The following FXR1 variants were observed in gnomAD, a reference collection of about 807,000 sequenced individuals.
The protein encoded by FXR1 is FMR1 autosomal homolog 1.
In FXR1, 15 loss-of-function variants were observed where a neutral mutation model predicts 84.0. The ratio of observed to expected loss-of-function variants is 0.18; its 90% CI spans 0.12 to 0.27. The LOEUF is 0.27. Ranked by LOEUF, FXR1 falls within the 10% of genes least tolerant of loss-of-function variation. FXR1 has a pLI of 1.00. For missense variants in FXR1, 480 were observed against 774.4 expected (o/e 0.62, Z 4.51); for synonymous variants, 245 against 250.7 (o/e 0.98, Z 0.21).
In FXR1 at chr3:180,934,557, T is replaced by A. The variant is rs1232176165; in HGVS notation, c.105-581T>A. ...CTAGGTTCTAATTATAATGTATATA[T>A]CCACTGTAGGAAAGATAAATGGAAC... On this transcript the variant is annotated intron_variant, in intron 2 of 16. Transcript: ENST00000357559. Among the ~76,000 whole-genome samples, 5 of 152,234 alleles carry A rather than the reference T, an allele frequency of 3.3e-5. No individual in the cohort carries two copies. The East Asian group carries it at 9.6e-4, about 29-fold the overall frequency.
intron 1 of FXR1, among the ~76,000 whole-genome samples, chr3:180,929,981 A>G (rs1719690315): frequency 6.6e-6 from 1 of 152,228 alleles, no homozygotes; most frequent in African/African-American, 2.4e-5. Context: ...TAGATGCTCA[A>G]GGGCCGGGGC....
intron 3 of FXR1, among the ~76,000 whole-genome samples, chr3:180,938,709 C>A (rs113884628): frequency 6.6e-6 from 1 of 151,812 alleles, no homozygotes; most frequent in Non-Finnish European, 1.5e-5. Flanking sequence ...CCATCATACC[C>A]GGCTGATTTT....
chr3:180,937,503 G>T (rs2108449157), intron 3 of FXR1, among the ~76,000 whole-genome samples: 1 of 152,108 alleles, frequency 6.6e-6, no homozygotes, highest in South Asian at 2.1e-4. Flanking sequence ...TTTAGAAATT[G>T]AATCTAGAGT....
intron 1 of FXR1, among the ~76,000 whole-genome samples, chr3:180,923,975 T>C (rs1718874838): frequency 6.6e-6 from 1 of 152,006 alleles, no homozygotes; most frequent in Non-Finnish European, 1.5e-5. Flanking sequence ...CTGTTTTTTT[T>C]TGAGACAGAG....
intron 13 of FXR1, 136 bp from the exon 14 acceptor site, chr3:180,967,915 T>A (rs1254127191): frequency 1.6e-6 from 1 of 627,550 alleles, no homozygotes; most frequent in Non-Finnish European, 2.9e-6. Context: ...AGATTGATTT[T>A]AACTTTCATG....
At chr3:180,943,571 G>A (rs558638501) in intron 3 of FXR1, among the ~76,000 whole-genome samples, 3 of 152,044 alleles carry the variant, frequency 2.0e-5, no homozygotes, top group Non-Finnish European at 2.9e-5. Context: ...CAAATTTGTA[G>A]TGTTTTTGAT....
At chr3:180,925,994 G>A (rs974784745) in intron 1 of FXR1, among the ~76,000 whole-genome samples, 12 of 152,144 alleles carry the variant, frequency 7.9e-5, no homozygotes, top group African/African-American at 2.9e-4. Context: ...AAACAGCCCA[G>A]TGTCTCTAAT....
intron 1 of FXR1, among the ~76,000 whole-genome samples, chr3:180,917,873 G>A (rs62291429): frequency 0.027 from 4,072 of 150,078 alleles, 79 homozygotes; most frequent in Non-Finnish European, 0.043. Flanking sequence ...CTTGAACCGG[G>A]GAGGCAGAGG....
intron 1 of FXR1, among the ~76,000 whole-genome samples, chr3:180,932,115 C>T (rs1246747652): frequency 7.6e-6 from 1 of 131,276 alleles, no homozygotes; most frequent in Non-Finnish European, 1.6e-5. Flanking sequence ...TTGTAAGTTG[C>T]CTTTTCCCTT....
intron 1 of FXR1, among the ~76,000 whole-genome samples, chr3:180,927,390 T>C (rs1719352694): frequency 6.6e-6 from 1 of 152,126 alleles, no homozygotes; most frequent in Non-Finnish European, 1.5e-5. Flanking sequence ...TCTGCCCTCA[T>C]ACAGTGTCAT....
At chr3:180,927,772 A>G (rs1576907535) in intron 1 of FXR1, 2 of 441,084 alleles carry the variant, frequency 4.5e-6, no homozygotes, top group East Asian at 3.5e-5. Flanking sequence ...AACAATTTAA[A>G]GGAGATTTGT....
intron 1 of FXR1, among the ~76,000 whole-genome samples, chr3:180,931,531 C>T (rs1236022815): frequency 6.6e-6 from 1 of 152,022 alleles, no homozygotes; most frequent in Admixed American, 6.6e-5. Context: ...CCATAGCAAT[C>T]TTCAAGAGAA....
rs1309475659 is a variant in FXR1 at position 180,970,341 on chromosome 3, T to G, written c.1586T>G (p.Val529Gly). 3.9e-6 allele frequency: 6 copies of G among 1,531,882 alleles called. No individual in the cohort carries two copies. The highest frequency in any genetic ancestry group is 4.5e-6 in the Non-Finnish European group (5 of 1,117,446). The allele number at this position is 1,531,882 out of a possible 1,614,324, so 94.9% of individuals were successfully genotyped here. Reference sequence around the variant, plus strand: ...ATGACTGAATCTGATACAGCTTCAGTTAATGAAAATGGGCTAGGTATGTAA... The same window carrying G: ...ATGACTGAATCTGATACAGCTTCAGGTAATGAAAATGGGCTAGGTATGTAA... ...DGMTESDTAS[V>G]NENGLVTVAD... The change falls in exon 15 of 17, where the codon GTT becomes GGT. Residue 529 changes from valine to glycine, a missense_variant. By Grantham distance (109) the Val-to-Gly change is moderately radical. Transcript: ENST00000357559.
intron 11 of FXR1, 70 bp downstream of exon 11, chr3:180,961,624 T>C: frequency 7.0e-6 from 5 of 709,386 alleles, no homozygotes; most frequent in Non-Finnish European, 1.2e-5. Flanking sequence ...GTACATTTGC[T>C]ACAAATTTAA....
rs531871495 is a variant in FXR1, at chr3:180,972,433, G to A, written c.1603+2075G>A. ...ATCGTGCCACTGCACGCTAGCCTGG[G>A]TGACAGTGAGACCCTGTCTCAAAAA... On this transcript the variant is annotated intron_variant, in intron 15 of 16. Transcript: ENST00000357559. 1.1e-4 allele frequency among the ~76,000 whole-genome samples: 16 copies of A among 152,320 alleles called. No homozygotes were observed. In the East Asian group the frequency reaches 2.9e-3, roughly 28 times the overall value.
chr3:180,926,383 A>C (rs1194651003), intron 1 of FXR1, among the ~76,000 whole-genome samples: 1 of 151,392 alleles, frequency 6.6e-6, no homozygotes, highest in African/African-American at 2.4e-5. Flanking sequence ...CTTTACCATG[A>C]AACTTTTAAT....
At chr3:180,918,237 T>G (rs1243142566) in intron 1 of FXR1, among the ~76,000 whole-genome samples, 2 of 152,204 alleles carry the variant, frequency 1.3e-5, no homozygotes, top group Non-Finnish European at 2.9e-5. Context: ...GATTATGTAT[T>G]AAGCTTCTAT....
At chr3:180,966,658 A>G (rs745946354) in intron 13 of FXR1, among the ~76,000 whole-genome samples, 2 of 152,302 alleles carry the variant, frequency 1.3e-5, no homozygotes, top group Non-Finnish European at 2.9e-5. Context: ...ACCCTTTATC[A>G]TAGACCAATT....
rs1175486661 is a variant in FXR1, at chr3:180,961,356, AAAAAAAAAAAAG to A, written c.991-111_991-100del. 3.2e-3 allele frequency: 1,350 copies of A among 427,732 alleles called. 29 individuals are homozygous for A. The African/African-American group carries it at 0.034, about 11-fold the overall frequency. 26.5% of individuals were successfully genotyped at this position (427,732 alleles called of 1,614,324 possible). A position where few individuals can be genotyped will look rare whatever the true frequency, so the allele number is the denominator to read the frequency against. On this transcript the variant is annotated intron_variant, in intron 10 of 16. Transcript: ENST00000357559. ...CGTCATCTCAAAAAAAAAAAAAAAA[AAAAAAAAAAAAG>A]GTGTGTGTGTGTGTGCCTGCCTGTC...
Sources: allele counts gnomAD v4.1 joint callset (sites outside exome capture counted in the v4.1 genomes callset), GRCh38; gene constraint gnomAD v4.1.1; transcripts MANE v1.5; gene names NCBI Gene and HGNC (gene_info 2026-07-23, HGNC 2026-07-21).